The following RIF1 variants were observed in gnomAD, a reference collection of about 807,000 sequenced individuals.
RIF1 encodes the protein telomere-associated protein RIF1.
In RIF1, 45 loss-of-function variants were observed where a neutral mutation model predicts 247.1. The ratio of observed to expected loss-of-function variants is 0.18; its 90% CI spans 0.14 to 0.23. The LOEUF is 0.23. RIF1 is among the 10% of genes least tolerant of loss of function. The probability of loss-of-function intolerance (pLI) is 1.00; values close to 1 mark genes in which losing one functional copy is unlikely to be tolerated. For synonymous variants in RIF1, 1,087 were observed against 978.8 expected (o/e 1.11, Z -2.06); for missense variants, 2,967 against 2,862.5 (o/e 1.04, Z -0.83).
the RIF1 span, among the ~76,000 whole-genome samples, chr2:151,533,156 A>C: frequency 2.1e-3 from 324 of 152,338 alleles, 2 homozygotes; most frequent in African/African-American, 7.3e-3. Context: ...TTTGAGGCAA[A>C]TACTGAAAAG....
rs773163314 is a variant in RIF1 at position 151,473,964 on chromosome 2, G to T, written c.7096G>T (p.Val2366Leu). 5.2e-6 allele frequency: 8 copies of T among 1,529,752 alleles called. No homozygotes were observed. The allele number at this position is 1,529,752 out of a possible 1,614,324, so 94.8% of individuals were successfully genotyped here. ...KALRIYHEQQ[V>L]KTRGLEEIPV... ...TTTTTCTGCTCCAACTGTAATCAAG[G>T]TGAAGACTCGTGGACTAGAAGAGAT... The change falls in exon 35 of 36, where the codon GTG (valine) becomes TTG (leucine). Residue 2366 changes from valine (V) to leucine (L), a missense_variant and splice_region_variant. Coordinates refer to ENST00000444746, the MANE Select transcript of RIF1 (RefSeq NM_018151.5).
At chr2:151,436,803 ACT>A (rs778574084) in intron 11 of RIF1, 22 bp from the exon 12 acceptor site, 6 of 1,486,838 alleles carry the variant, frequency 4.0e-6, no homozygotes, top group Admixed American at 2.3e-5. Flanking sequence ...GTATGACTTA[ACT>A]CTTTTTTTTT....
In RIF1 at chr2:151,501,405, C is replaced by CTTGA. The variant is rs1553568447; in HGVS notation, c.*710-1624_*710-1621dup. The CTTGA allele has an allele frequency of 1.3e-6, 2 of 1,548,960 alleles. No homozygotes were observed. Among genetic ancestry groups the CTTGA allele is most frequent in the Non-Finnish European group, 1.7e-6 (2 of 1,145,184 alleles). On this transcript the variant is annotated intron_variant and NMD_transcript_variant, in intron 11 of 13. Coordinates refer to the RIF1 transcript ENST00000454583. ...CTCCCAAATACCGAGCTAAAGTTTTCTTGATTGAGTTTGACTCGCTCCATC... is the reference window on the plus strand; with the variant it reads ...CTCCCAAATACCGAGCTAAAGTTTTCTTGATTGATTGAGTTTGACTCGCTCCATC...
chr2:151,494,088 A>G, intron 9 of RIF1: 3 of 1,265,954 alleles, frequency 2.4e-6, no homozygotes, highest in South Asian at 1.3e-5. Flanking sequence ...AACCTGGGAC[A>G]GGGTTAGGAG....
chr2:151,418,168 T>TC (rs1332180291), intron 6 of RIF1, among the ~76,000 whole-genome samples: 1 of 152,172 alleles, frequency 6.6e-6, no homozygotes, highest in African/African-American at 2.4e-5. Flanking sequence ...CTATACTAAA[T>TC]CTATAAAAAC....
At position 151,481,570 on chromosome 2, in the gene RIF1, C is replaced by G. The variant is rs1025017583; in HGVS notation, c.*6499C>G. On this transcript the variant is annotated 3_prime_UTR_variant, in exon 36 of 36. Transcript: ENST00000444746. Reference sequence around the variant, plus strand: ...ATTGTTGTCCCGATCATTTGGTAAACGCTAAGAGAGCTTAGTTTTACATTC... The same window carrying G: ...ATTGTTGTCCCGATCATTTGGTAAAGGCTAAGAGAGCTTAGTTTTACATTC... 6.6e-6 allele frequency: 1 copy of G among 152,296 alleles called. No individual in the cohort carries two copies. The highest frequency in any genetic ancestry group is 1.9e-4 in the East Asian group (1 of 5,188). The allele number at this position is 152,296 out of a possible 1,614,324, so 9.4% of individuals were successfully genotyped here. A position where few individuals can be genotyped will look rare whatever the true frequency, so the allele number is the denominator to read the frequency against.
Position 151,465,597 on chromosome 2 carries a change from T to C in RIF1, c.6077T>C (p.Ile2026Thr). 2 of 1,613,856 alleles carry C rather than the reference T, an allele frequency of 1.2e-6. No individual in the cohort carries two copies. Among genetic ancestry groups the C allele is most frequent in the Non-Finnish European group, 1.7e-6 (2 of 1,179,878 alleles). ...TKMKNNEEMM[I>T]GEAMAETGHD... ...ATGAAAAATAATGAAGAAATGATGA[T>C]CGGCGAGGCAATGGCTGAAACTGGC... Residue 2026 changes from isoleucine to threonine, a missense_variant, in exon 30 of 36, where the codon ATC becomes ACC. Ile to Thr is a moderately conservative substitution (Grantham distance 89, BLOSUM62 -1). Transcript: ENST00000444746.
Position 151,480,522 on chromosome 2 carries a change from C to T in RIF1, c.*5451C>T, listed in dbSNP as rs1350090341. The stretch of plus-strand genomic sequence containing the variant: ...TCTGAGAGCTATTCTGTACATAGCA[C>T]AGTATTATAATTGATGTTCATAAAT... On this transcript the variant is annotated 3_prime_UTR_variant, in exon 36 of 36. Transcript: ENST00000444746. 6.6e-6 allele frequency: 1 copy of T among 152,098 alleles called. No individual in the cohort carries two copies. Among genetic ancestry groups the T allele is most frequent in the African/African-American group, 2.4e-5 (1 of 41,420 alleles). 9.4% of individuals were successfully genotyped at this position (152,098 alleles called of 1,614,324 possible). A position where few individuals can be genotyped will look rare whatever the true frequency, so the allele number is the denominator to read the frequency against.
intron 12 of RIF1, chr2:151,503,224 T>C (rs529898558): frequency 2.8e-6 from 2 of 721,462 alleles, no homozygotes; most frequent in South Asian, 3.5e-5. Flanking sequence ...GGTCAGGTAA[T>C]AATACACAAC....
intron 7 of RIF1, among the ~76,000 whole-genome samples, chr2:151,422,301 G>A (rs1307841480): frequency 6.6e-6 from 1 of 151,942 alleles, no homozygotes; most frequent in African/African-American, 2.4e-5. Context: ...TTAATGATAT[G>A]CATGCTGACA....
At chr2:151,442,630 T>C (rs1038572255) in intron 16 of RIF1, among the ~76,000 whole-genome samples, 4 of 152,108 alleles carry the variant, frequency 2.6e-5, no homozygotes, top group Non-Finnish European at 4.4e-5. Flanking sequence ...TAATGTAAAA[T>C]GCACTTAGTA....
In RIF1 at chr2:151,480,483, G is replaced by C. The variant is rs1440097741; in HGVS notation, c.*5412G>C. The C allele has an allele frequency of 1.3e-5, 2 of 152,158 alleles. No individual in the cohort carries two copies. Among genetic ancestry groups the C allele is most frequent in the African/African-American group, 4.8e-5 (2 of 41,442 alleles). The allele number at this position is 152,158 out of a possible 1,614,324, so 9.4% of individuals were successfully genotyped here. A position where few individuals can be genotyped will look rare whatever the true frequency, so the allele number is the denominator to read the frequency against. On this transcript the variant is annotated 3_prime_UTR_variant, in exon 36 of 36. Transcript: ENST00000444746. ...ACTCCTGTATACTTCAGAAATAGCT[G>C]ATAGCCTATAGTCTCTGAGAGCTAT...
intron 1 of RIF1, 156 bp downstream of exon 1, chr2:151,410,189 G>A (rs1685896283): frequency 3.1e-6 from 2 of 640,804 alleles, no homozygotes; most frequent in Middle Eastern, 3.3e-4. Flanking sequence ...AAGTGGTGGC[G>A]GGAGCGGGCC....
In RIF1 at chr2:151,464,443, A is replaced by G. The variant is rs1367252768; in HGVS notation, c.4923A>G (p.Gln1641=). The G allele has an allele frequency of 2.5e-6, 4 of 1,613,558 alleles. No homozygotes were observed. Among genetic ancestry groups the G allele is most frequent in the Non-Finnish European group, 3.4e-6 (4 of 1,179,886 alleles). ...CTACAGTAACTTCAGATTTGTTGCA[A>G]GTTCCTGATGATTTACCAAATGTGT... is the stretch of plus-strand genomic sequence containing the variant. The part of the protein sequence containing the change: ...QDSTVTSDLL[Q]VPDDLPNVCE... The change falls in exon 30 of 36, where the codon CAA becomes CAG. Residue 1641 remains glutamine (Q), a synonymous_variant. Coordinates refer to ENST00000444746, the MANE Select transcript of RIF1 (RefSeq NM_018151.5).
intron 11 of RIF1, among the ~76,000 whole-genome samples, chr2:151,499,698 G>A (rs2153030927): frequency 6.6e-6 from 1 of 152,256 alleles, no homozygotes; most frequent in East Asian, 1.9e-4. Flanking sequence ...GTGTACAATA[G>A]AAAAATTGCT....
At chr2:151,523,927 A>C in the RIF1 span, among the ~76,000 whole-genome samples, 2 of 152,224 alleles carry the variant, frequency 1.3e-5, no homozygotes, top group Non-Finnish European at 2.9e-5. Context: ...GGATTCTAGA[A>C]GTTAGAATTT....
At chr2:151,425,844 C>A (rs1390173391) in intron 8 of RIF1, among the ~76,000 whole-genome samples, 1 of 149,050 alleles carries the variant, frequency 6.7e-6, no homozygotes, top group Non-Finnish European at 1.5e-5. Flanking sequence ...TTTTTTTTTT[C>A]TTTTCTGTAT....
intron 9 of RIF1, chr2:151,489,853 G>T (rs546478649): frequency 2.4e-5 from 15 of 622,870 alleles, no homozygotes; most frequent in Middle Eastern, 2.8e-4. Flanking sequence ...TAATAAAAGA[G>T]CATTATATAA....
At position 151,506,051 on chromosome 2, in the gene RIF1, A is replaced by G. The variant is rs1305089900; in HGVS notation, c.*862-159A>G. ...GTGTGGTGGTGGTACACAGGCACCT[A>G]TTTTAGCAATATAAGCTGTTTCTGG... On this transcript the variant is annotated intron_variant and NMD_transcript_variant, in intron 12 of 13. Coordinates refer to the RIF1 transcript ENST00000454583. 3 of 907,612 alleles carry G rather than the reference A, an allele frequency of 3.3e-6. No individual in the cohort carries two copies. In the East Asian group the frequency reaches 7.2e-5, roughly 22 times the overall value. 56.2% of individuals were successfully genotyped at this position (907,612 alleles called of 1,614,324 possible). A position where few individuals can be genotyped will look rare whatever the true frequency, so the allele number is the denominator to read the frequency against.
Sources: allele counts gnomAD v4.1 joint callset (sites outside exome capture counted in the v4.1 genomes callset), GRCh38; gene constraint gnomAD v4.1.1; transcripts MANE v1.5; gene names NCBI Gene and HGNC (gene_info 2026-07-23, HGNC 2026-07-21).